CNTN1: variants seen among roughly 807,000 people sequenced by gnomAD.
The protein encoded by CNTN1 is contactin 1, also known as contactin-1.
In CNTN1, 38 loss-of-function variants were observed where a neutral mutation model predicts 126.4. The ratio of observed to expected loss-of-function variants is 0.30; its 90% CI spans 0.23 to 0.39. The LOEUF (loss-of-function observed/expected upper bound fraction) is 0.39. CNTN1 is among the 10% of genes least tolerant of loss of function. The pLI is 1.00. For missense variants in CNTN1, 1,009 were observed against 1,248.4 expected (o/e 0.81, Z 2.89); for synonymous variants, 413 against 422.6 (o/e 0.98, Z 0.28).
At chr12:40,901,217 C>T (rs938683713) in intron 1 of CNTN1, among the ~76,000 whole-genome samples, 1 of 152,148 alleles carries the variant, frequency 6.6e-6, no homozygotes, top group Non-Finnish European at 1.5e-5. Context: ...ATTCTAGACA[C>T]ATTTAAATTC....
intron 1 of CNTN1, among the ~76,000 whole-genome samples, chr12:40,843,132 C>A (rs12579682): frequency 0.099 from 15,074 of 152,148 alleles, 883 homozygotes; most frequent in Non-Finnish European, 0.13. Flanking sequence ...CCTTAGAAAA[C>A]ATACCTGATC....
chr12:40,879,059 A>T (rs1030953316), intron 1 of CNTN1, among the ~76,000 whole-genome samples: 6 of 152,188 alleles, frequency 3.9e-5, no homozygotes, highest in African/African-American at 1.4e-4. Context: ...CACATATCCC[A>T]GCCTTGGTTT....
chr12:40,838,823 T>C (rs1218474774), intron 1 of CNTN1, among the ~76,000 whole-genome samples: 1 of 152,068 alleles, frequency 6.6e-6, no homozygotes, highest in Non-Finnish European at 1.5e-5. Context: ...AGTTACACCA[T>C]ATGTGCAGAT....
At chr12:40,933,433 T>G (rs772600743) in intron 7 of CNTN1, 28 bp from the exon 8 acceptor site, 2 of 1,364,558 alleles carry the variant, frequency 1.5e-6, no homozygotes, top group African/African-American at 2.9e-5. Flanking sequence ...TAATAATTAG[T>G]GGATATTTGT....
At chr12:40,738,388 TA>T (rs1411582807) in intron 1 of CNTN1, among the ~76,000 whole-genome samples, 2 of 151,812 alleles carry the variant, frequency 1.3e-5, no homozygotes, top group South Asian at 2.1e-4. Context: ...TTTTGAAGGG[TA>T]AAAAAAATTT....
chr12:40,811,045 G>A (rs575775120), intron 1 of CNTN1, among the ~76,000 whole-genome samples: 32 of 152,134 alleles, frequency 2.1e-4, no homozygotes, highest in South Asian at 6.2e-4. Flanking sequence ...ATTTAATTGC[G>A]TGTACATCAA....
chr12:40,931,967 G>T (rs1171353349), intron 7 of CNTN1, among the ~76,000 whole-genome samples: 2 of 151,858 alleles, frequency 1.3e-5, no homozygotes, highest in Non-Finnish European at 2.9e-5. Context: ...ATGCCCTAGT[G>T]TTGGCCCTCA....
At chr12:41,052,034 C>A (rs1949700357) in intron 23 of CNTN1, among the ~76,000 whole-genome samples, 1 of 152,128 alleles carries the variant, frequency 6.6e-6, no homozygotes, top group South Asian at 2.1e-4. Context: ...TCCACACACA[C>A]ACACTCTAAA....
chr12:40,718,335 A>T, intron 1 of CNTN1, among the ~76,000 whole-genome samples: 1 of 147,926 alleles, frequency 6.8e-6, no homozygotes, highest in Middle Eastern at 3.6e-3. Flanking sequence ...TGCCCGGCTA[A>T]TTTTTTTTTT....
intron 15 of CNTN1, chr12:40,972,375 C>G: frequency 1.0e-6 from 1 of 983,932 alleles, no homozygotes; most frequent in Non-Finnish European, 1.2e-6. Flanking sequence ...CCCCTTTGGT[C>G]AAAGAGATGT....
At chr12:40,911,575 A>G (rs577337858) in intron 3 of CNTN1, among the ~76,000 whole-genome samples, 22 of 152,304 alleles carry the variant, frequency 1.4e-4, no homozygotes, top group African/African-American at 5.3e-4. Flanking sequence ...TCCCACGAGC[A>G]CTCAACAAAA....
chr12:40,968,826 C>T (rs555220587), intron 15 of CNTN1, among the ~76,000 whole-genome samples: 3 of 152,154 alleles, frequency 2.0e-5, no homozygotes, highest in South Asian at 4.1e-4. Context: ...TATGCTTTTC[C>T]CTTCTTGATG....
intron 20 of CNTN1, among the ~76,000 whole-genome samples, chr12:41,022,555 CCT>C: frequency 6.6e-6 from 1 of 152,056 alleles, no homozygotes; most frequent in African/African-American, 2.4e-5. Context: ...AAGAATTTTC[CCT>C]GTTTATGTCA....
intron 1 of CNTN1, among the ~76,000 whole-genome samples, chr12:40,709,835 A>G (rs1448684099): frequency 6.6e-6 from 1 of 152,182 alleles, no homozygotes; most frequent in East Asian, 1.9e-4. Context: ...CTTTGGCTTA[A>G]GGGAATGTTG....
chr12:40,756,845 T>C (rs1374289609), intron 1 of CNTN1, among the ~76,000 whole-genome samples: 1 of 152,158 alleles, frequency 6.6e-6, no homozygotes, highest in African/African-American at 2.4e-5. Context: ...TATTTATTTG[T>C]TTTTATATAC....
chr12:40,805,257 C>T (rs577663295), intron 1 of CNTN1, among the ~76,000 whole-genome samples: 3 of 152,070 alleles, frequency 2.0e-5, no homozygotes, highest in Admixed American at 2.0e-4. Context: ...CTTCTACCCC[C>T]TTTTCCCTCT....
intron 1 of CNTN1, among the ~76,000 whole-genome samples, chr12:40,773,970 T>C (rs1156350202): frequency 6.6e-6 from 1 of 151,460 alleles, no homozygotes; most frequent in East Asian, 1.9e-4. Flanking sequence ...ATCTTCTTTC[T>C]CTACAATTTA....
At chr12:40,924,323 T>C (rs887202370) in intron 5 of CNTN1, among the ~76,000 whole-genome samples, 2 of 152,148 alleles carry the variant, frequency 1.3e-5, no homozygotes, top group Non-Finnish European at 2.9e-5. Context: ...TCAGAATTCT[T>C]ATGCAGGCTG....
chr12:41,053,585 T>C (rs983864142), intron 23 of CNTN1, among the ~76,000 whole-genome samples: 2 of 150,302 alleles, frequency 1.3e-5, no homozygotes, highest in African/African-American at 4.9e-5. Flanking sequence ...TGTTTGAACA[T>C]ATCTTTTGTA....
Sources: gnomAD v4.1 joint callset for allele counts (sites outside exome capture counted in the v4.1 genomes callset) on GRCh38, gnomAD v4.1.1 for gene constraint, MANE v1.5 for transcripts, NCBI Gene and HGNC (gene_info 2026-07-23, HGNC 2026-07-21) for gene names.